The following RPL37 variants were observed in gnomAD, a reference collection of about 807,000 sequenced individuals.
RPL37 encodes large ribosomal subunit protein eL37.
Under a neutral mutation model 14.8 loss-of-function variants are expected in RPL37, and 1 was observed. That is an observed-to-expected ratio of 0.07 (90% CI 0.02 to 0.32). RPL37 has a LOEUF of 0.32. Among genes scored for constraint, RPL37 ranks in the 10% least tolerant of loss-of-function variants. RPL37 has a pLI of 1.00. For missense variants in RPL37, 100 were observed against 128.3 expected, an observed-to-expected ratio of 0.78 and a Z score of 1.06; for synonymous variants, 53 against 45.8, an observed-to-expected ratio of 1.16 and a Z score of -0.63.
intron 2 of RPL37, 80 bp from the exon 3 acceptor site, chr5:40,834,345 G>T: frequency 1.3e-6 from 2 of 1,563,600 alleles, no homozygotes; most frequent in Non-Finnish European, 1.8e-6. Flanking sequence ...CGAGTTTTAT[G>T]CCACCTCATC....
rs1045769583 is a variant in RPL37, at chr5:40,829,286, A to G, written c.*3218T>C. 17 of 152,232 alleles carry G rather than the reference A, an allele frequency of 1.1e-4. No homozygotes were observed. The allele number at this position is 152,232 out of a possible 1,614,324, so 9.4% of individuals were successfully genotyped here. On this transcript the variant is annotated 3_prime_UTR_variant, in exon 4 of 4. Transcript: ENST00000274242. ...AGTTTCCAGCTTCAAGACTCATCAC[A>G]TGCACACTAACACTTTCCACATTCA...
chr5:40,833,412 T>C (rs1745685306), intron 3 of RPL37, among the ~76,000 whole-genome samples: 2 of 152,176 alleles, frequency 1.3e-5, no homozygotes, highest in East Asian at 3.8e-4. Context: ...TTCTGAATCT[T>C]AGCTGAGATC....
Position 40,828,951 on chromosome 5 carries a change from TA to T in RPL37, c.*3552del, listed in dbSNP as rs1412752264. 1 of 152,214 alleles carries T rather than the reference TA, an allele frequency of 6.6e-6. No homozygotes were observed. Among genetic ancestry groups the T allele is most frequent in the Non-Finnish European group, 1.5e-5 (1 of 68,040 alleles). The allele number at this position is 152,214 out of a possible 1,614,324, so 9.4% of individuals were successfully genotyped here. A position where few individuals can be genotyped will look rare whatever the true frequency, so the allele number is the denominator to read the frequency against. On this transcript the variant is annotated 3_prime_UTR_variant, in exon 4 of 4. Coordinates refer to ENST00000274242, the MANE Select transcript of RPL37 (RefSeq NM_000997.5). The stretch of plus-strand genomic sequence containing the variant: ...CTCCCCAAATCTTACTTTGAGACTC[TA>T]AATTATCTTTTTGTTTTTGGAGTCT...
At position 40,830,500 on chromosome 5, in the gene RPL37, ATTT is replaced by A. The variant is rs34309679; in HGVS notation, c.*2001_*2003del. 6.5e-3 allele frequency: 928 copies of A among 143,530 alleles called. 12 individuals are homozygous for A. Among genetic ancestry groups the A allele is most frequent in the African/African-American group, 0.022 (851 of 38,914 alleles). 8.9% of individuals were successfully genotyped at this position (143,530 alleles called of 1,614,324 possible). A position where few individuals can be genotyped will look rare whatever the true frequency, so the allele number is the denominator to read the frequency against. On this transcript the variant is annotated 3_prime_UTR_variant, in exon 4 of 4. Transcript: ENST00000274242. ...GAAAATTTGAGTCATTAGTTCAAGG[ATTT>A]TTTTTTTTTTTTGAGGTGGAGTCTC...
chr5:40,832,154 T>G lies in RPL37; in HGVS notation c.*350A>C. On this transcript the variant is annotated 3_prime_UTR_variant, in exon 4 of 4. Coordinates refer to ENST00000274242, the MANE Select transcript of RPL37 (RefSeq NM_000997.5). Reference sequence around the variant, plus strand: ...CAGATGAACATGTTGCTAAAGGTAATTTAAACATCATACTCTTTCAAATTT... The same window carrying G: ...CAGATGAACATGTTGCTAAAGGTAAGTTAAACATCATACTCTTTCAAATTT... 3.9e-6 allele frequency: 1 copy of G among 254,638 alleles called. No homozygotes were observed. The highest frequency in any genetic ancestry group is 4.7e-5 in the Admixed American group (1 of 21,398). 15.8% of individuals were successfully genotyped at this position (254,638 alleles called of 1,614,324 possible). A position where few individuals can be genotyped will look rare whatever the true frequency, so the allele number is the denominator to read the frequency against.
chr5:40,833,393 T>C (rs1745684841), intron 3 of RPL37, among the ~76,000 whole-genome samples: 2 of 152,222 alleles, frequency 1.3e-5, no homozygotes, highest in South Asian at 4.1e-4. Flanking sequence ...TATAGTTAAG[T>C]CTGCATCATT....
Position 40,826,395 on chromosome 5 carries a change from C to T in RPL37, c.*6109G>A, listed in dbSNP as rs1310233933. ...CCCAGCCCTCCCATGTAAGACTGGT[C>T]ATTTTTTAGAATCCTCAGCCATATC... is the stretch of plus-strand genomic sequence containing the variant. On this transcript the variant is annotated 3_prime_UTR_variant, in exon 4 of 4. Coordinates refer to ENST00000274242, the MANE Select transcript of RPL37 (RefSeq NM_000997.5). 6.6e-6 allele frequency: 1 copy of T among 152,056 alleles called. No homozygotes were observed. Among genetic ancestry groups the T allele is most frequent in the African/African-American group, 2.4e-5 (1 of 41,394 alleles). 9.4% of individuals were successfully genotyped at this position (152,056 alleles called of 1,614,324 possible). A position where few individuals can be genotyped will look rare whatever the true frequency, so the allele number is the denominator to read the frequency against.
intron 3 of RPL37, chr5:40,832,861 G>A (rs1454418084): frequency 2.3e-6 from 1 of 428,660 alleles, no homozygotes; most frequent in African/African-American, 2.0e-5. Context: ...TATTTGGCAA[G>A]AGATCACAGA....
At position 40,825,692 on chromosome 5, in the gene RPL37, T is replaced by C. The variant is rs896416227; in HGVS notation, c.*6812A>G. 6.6e-6 allele frequency: 1 copy of C among 152,538 alleles called. No homozygotes were observed. Among genetic ancestry groups the C allele is most frequent in the Admixed American group, 6.5e-5 (1 of 15,284 alleles). 9.4% of individuals were successfully genotyped at this position (152,538 alleles called of 1,614,324 possible). A position where few individuals can be genotyped will look rare whatever the true frequency, so the allele number is the denominator to read the frequency against. On this transcript the variant is annotated 3_prime_UTR_variant, in exon 4 of 4. Transcript: ENST00000274242. ...TGGTGATTCTGTTCCATTTGCCACC[T>C]GGCCTCTTCCTCCTCAGTCACTTTT...
rs1745573769 is a variant in RPL37 at position 40,828,847 on chromosome 5, G to A, written c.*3657C>T. ...CCCACTGTATCTCTAACATGGCTTG[G>A]CACACAGTAGGTGCACCATACATAA... On this transcript the variant is annotated 3_prime_UTR_variant, in exon 4 of 4. Transcript: ENST00000274242. 2.6e-5 allele frequency: 4 copies of A among 152,030 alleles called. No homozygotes were observed. The allele number at this position is 152,030 out of a possible 1,614,324, so 9.4% of individuals were successfully genotyped here.
rs1745711109 is a variant in RPL37 at position 40,834,191 on chromosome 5, G to A, written c.214C>T (p.Arg72Cys). 10 of 1,612,208 alleles carry A rather than the reference G, an allele frequency of 6.2e-6. No individual in the cohort carries two copies. Among genetic ancestry groups the A allele is most frequent in the Non-Finnish European group, 7.6e-6 (9 of 1,178,434 alleles). Residue 72 changes from arginine (R) to cysteine (C), a missense_variant, in exon 3 of 4, where the codon CGC (arginine) becomes TGC (cysteine). This residue lies in a region of RPL37 where 74 missense variants were observed against 69.9 expected (regional missense o/e 1.06). Transcript: ENST00000274242. ...ACATACAAACTGTACCTGAATCTGC[G>A]GTATACAATTTTTAGGTGCCTCATT... Reference protein sequence around the residue: ...GRMRHLKIVYRRFRHGFREGT... With the variant: ...GRMRHLKIVYCRFRHGFREGT...
In RPL37 at chr5:40,826,363, T is replaced by C. The variant is rs963662260; in HGVS notation, c.*6141A>G. ...TTTATCATTATTTATTATTTTATTTTTTATATCCCAGCCCTCCCATGTAAG... is the reference window on the plus strand; with the variant it reads ...TTTATCATTATTTATTATTTTATTTCTTATATCCCAGCCCTCCCATGTAAG... On this transcript the variant is annotated 3_prime_UTR_variant, in exon 4 of 4. Transcript: ENST00000274242. The C allele has an allele frequency of 2.0e-5, 3 of 152,168 alleles. No individual in the cohort carries two copies. Among genetic ancestry groups the C allele is most frequent in the African/African-American group, 7.2e-5 (3 of 41,440 alleles). The allele number at this position is 152,168 out of a possible 1,614,324, so 9.4% of individuals were successfully genotyped here.
Position 40,832,183 on chromosome 5 carries a change from C to T in RPL37, c.*321G>A, listed in dbSNP as rs1366839338. On this transcript the variant is annotated 3_prime_UTR_variant, in exon 4 of 4. Coordinates refer to ENST00000274242, the MANE Select transcript of RPL37 (RefSeq NM_000997.5). ...AACATCATACTCTTTCAAATTTACT[C>T]AAACATCTAAAATACCCACCTATGC... The T allele has an allele frequency of 1.7e-5, 5 of 291,918 alleles. No individual in the cohort carries two copies. Among genetic ancestry groups the T allele is most frequent in the Non-Finnish European group, 2.7e-5 (4 of 147,882 alleles). The allele number at this position is 291,918 out of a possible 1,614,324, so 18.1% of individuals were successfully genotyped here. A position where few individuals can be genotyped will look rare whatever the true frequency, so the allele number is the denominator to read the frequency against.
intron 1 of RPL37, 124 bp downstream of exon 1, chr5:40,835,059 T>G: frequency 7.4e-7 from 1 of 1,345,600 alleles, no homozygotes; most frequent in Non-Finnish European, 1.1e-6. Context: ...GGCCACCGCA[T>G]GCCTCTTTCC....
Position 40,832,246 on chromosome 5 carries a change from TC to T in RPL37, c.*257del, listed in dbSNP as rs1745655805. The T allele has an allele frequency of 4.2e-6, 2 of 474,070 alleles. No individual in the cohort carries two copies. Among genetic ancestry groups the T allele is most frequent in the African/African-American group, 2.0e-5 (1 of 50,892 alleles). The allele number at this position is 474,070 out of a possible 1,614,324, so 29.4% of individuals were successfully genotyped here. On this transcript the variant is annotated 3_prime_UTR_variant, in exon 4 of 4. Transcript: ENST00000274242. ...GCTATTTTAATCTGCTATATTGTCTTCCAGTGCCCTCTGCTTCAAGGACTCC... is the reference window on the plus strand; with the variant it reads ...GCTATTTTAATCTGCTATATTGTCTTCAGTGCCCTCTGCTTCAAGGACTCC...
At position 40,827,669 on chromosome 5, in the gene RPL37, A is replaced by G. The variant is rs988547837; in HGVS notation, c.*4835T>C. On this transcript the variant is annotated 3_prime_UTR_variant, in exon 4 of 4. Coordinates refer to ENST00000274242, the MANE Select transcript of RPL37 (RefSeq NM_000997.5). ...ACATGAGAACCATTTTTCCATTGCA[A>G]CTTTTCTTGTCAAAACATCCTTCTA... The G allele has an allele frequency of 2.6e-5, 4 of 151,978 alleles. No individual in the cohort carries two copies. The highest frequency in any genetic ancestry group is 2.6e-4 in the Admixed American group (4 of 15,244). 9.4% of individuals were successfully genotyped at this position (151,978 alleles called of 1,614,324 possible).
intron 2 of RPL37, 51 bp from the exon 3 acceptor site, chr5:40,834,316 T>A: frequency 1.3e-6 from 2 of 1,558,970 alleles, no homozygotes; most frequent in Non-Finnish European, 1.8e-6. Context: ...CCACACACCT[T>A]GTAGGTGTTG....
At chr5:40,835,021 G>T in intron 1 of RPL37, 162 bp downstream of exon 1, 2 of 900,058 alleles carry the variant, frequency 2.2e-6, no homozygotes, top group Non-Finnish European at 1.7e-6. Context: ...CCAGGCACCA[G>T]TTAGCAGTCA....
Position 40,830,751 on chromosome 5 carries a change from T to C in RPL37, c.*1753A>G, listed in dbSNP as rs1435122107. 6.6e-6 allele frequency: 1 copy of C among 151,238 alleles called. No homozygotes were observed. Among genetic ancestry groups the C allele is most frequent in the African/African-American group, 2.4e-5 (1 of 41,158 alleles). 9.4% of individuals were successfully genotyped at this position (151,238 alleles called of 1,614,324 possible). A position where few individuals can be genotyped will look rare whatever the true frequency, so the allele number is the denominator to read the frequency against. ...ACCTTGTGATCCGCCCACCTCGGCC[T>C]CCCAAAGTGCCAGGATTACAGCCGT... On this transcript the variant is annotated 3_prime_UTR_variant, in exon 4 of 4. Transcript: ENST00000274242.
Sources: gnomAD v4.1 joint callset for allele counts (sites outside exome capture counted in the v4.1 genomes callset) on GRCh38, gnomAD v4.1.1 for gene constraint, gnomAD v4.1.1 regional missense constraint, MANE v1.5 for transcripts, NCBI Gene and HGNC (gene_info 2026-07-23, HGNC 2026-07-21) for gene names.